SYT15B: variants seen among roughly 807,000 people sequenced by gnomAD.
SYT15B encodes synaptotagmin-15.
the SYT15B span, among the ~76,000 whole-genome samples, chr10:47,762,167 C>T: frequency 1.3e-5 from 2 of 150,900 alleles, no homozygotes; most frequent in Non-Finnish European, 3.0e-5. Context: ...TCCCCTAGCC[C>T]TCTATCAAGG....
chr10:47,749,721 A>G, the SYT15B span, among the ~76,000 whole-genome samples: 2 of 151,102 alleles, frequency 1.3e-5, no homozygotes, highest in African/African-American at 2.4e-5. Context: ...GCAACAGAAA[A>G]GAAAAAATAA....
the SYT15B span, among the ~76,000 whole-genome samples, chr10:47,746,662 G>C: frequency 4.4e-5 from 6 of 135,546 alleles, no homozygotes; most frequent in Non-Finnish European, 9.5e-5. Context: ...TGGGCAACAA[G>C]AGTGAAACCC....
chr10:47,760,997 G>A, the SYT15B span: 1 of 1,456,306 alleles, frequency 6.9e-7, no homozygotes, highest in Non-Finnish European at 9.2e-7. Context: ...CGCTCAGCCA[G>A]GACGGTTGAG....
At chr10:47,763,592 C>T in the SYT15B span, 1 of 421,892 alleles carries the variant, frequency 2.4e-6, no homozygotes, top group Non-Finnish European at 3.2e-6. Context: ...ATTATTAGAA[C>T]GCAGGGCCCG....
the SYT15B span, among the ~76,000 whole-genome samples, chr10:47,748,502 C>T: frequency 4.6e-5 from 7 of 151,834 alleles, no homozygotes; most frequent in South Asian, 2.1e-4. Flanking sequence ...CGTGAGCCAC[C>T]GCACCCGACC....
At chr10:47,745,381 G>C in the SYT15B span, among the ~76,000 whole-genome samples, 1 of 149,430 alleles carries the variant, frequency 6.7e-6, no homozygotes, top group Non-Finnish European at 1.5e-5. Flanking sequence ...AGTCTTATGA[G>C]CAGGATTCCA....
the SYT15B span, chr10:47,762,988 G>A: frequency 0.092 from 114,991 of 1,246,952 alleles, 6,085 homozygotes; most frequent in Non-Finnish European, 0.11. Flanking sequence ...AGGGTGCGGT[G>A]AGAGTACCAC....
chr10:47,750,060 CAAAACTCAAAGGAG>C, the SYT15B span, among the ~76,000 whole-genome samples: 5 of 151,796 alleles, frequency 3.3e-5, no homozygotes, highest in Non-Finnish European at 7.4e-5. Flanking sequence ...CAAAAACTAA[CAAAACTCAAAGGAG>C]AAATAAACAA....
chr10:47,746,846 G>A, the SYT15B span, among the ~76,000 whole-genome samples: 5 of 96,170 alleles, frequency 5.2e-5, no homozygotes, highest in African/African-American at 7.7e-5. Context: ...CTGTTCCCTC[G>A]TTGGCTTCAC....
the SYT15B span, among the ~76,000 whole-genome samples, chr10:47,747,892 A>G: frequency 2.6e-5 from 4 of 151,912 alleles, no homozygotes; most frequent in Non-Finnish European, 5.9e-5. Context: ...GAAATTAACT[A>G]CTTAGCATAT....
the SYT15B span, chr10:47,751,082 T>C: frequency 1.3e-5 from 2 of 151,154 alleles, no homozygotes; most frequent in African/African-American, 4.9e-5. Flanking sequence ...AAAAATCCTA[T>C]AACAACCATC....
chr10:47,755,506 C>T, the SYT15B span, among the ~76,000 whole-genome samples: 6 of 150,568 alleles, frequency 4.0e-5, no homozygotes, highest in Non-Finnish European at 8.8e-5. Flanking sequence ...CTGCCTACCT[C>T]GGCCTCCCAA....
the SYT15B span, among the ~76,000 whole-genome samples, chr10:47,755,495 T>A: frequency 6.6e-6 from 1 of 151,392 alleles, no homozygotes; most frequent in Non-Finnish European, 1.5e-5. Flanking sequence ...GACCTCGTGA[T>A]CTGCCTACCT....
At chr10:47,755,447 T>TG in the SYT15B span, among the ~76,000 whole-genome samples, 1 of 151,480 alleles carries the variant, frequency 6.6e-6, no homozygotes, top group Non-Finnish European at 1.5e-5. Flanking sequence ...AGTAGAGACG[T>TG]GGTTTCACTG....
At chr10:47,748,492 C>T in the SYT15B span, among the ~76,000 whole-genome samples, 15 of 152,092 alleles carry the variant, frequency 9.9e-5, no homozygotes, top group East Asian at 1.4e-3. Flanking sequence ...GGATTATAGG[C>T]GTGAGCCACC....
chr10:47,747,969 A>G, the SYT15B span, among the ~76,000 whole-genome samples: 1 of 152,000 alleles, frequency 6.6e-6, no homozygotes. Context: ...CAGAATAAAA[A>G]CTCTAAGCTG....
At chr10:47,755,181 T>C in the SYT15B span, among the ~76,000 whole-genome samples, 1 of 151,616 alleles carries the variant, frequency 6.6e-6, no homozygotes, top group Non-Finnish European at 1.5e-5. Flanking sequence ...GGTCTTGATC[T>C]CTTGATGTCG....
At chr10:47,753,083 G>A in the SYT15B span, 4 of 927,344 alleles carry the variant, frequency 4.3e-6, no homozygotes, top group Non-Finnish European at 5.1e-6. Context: ...ACTCCAGCCT[G>A]GGTGACAAGA....
the SYT15B span, among the ~76,000 whole-genome samples, chr10:47,750,710 T>C: frequency 5.2e-5 from 7 of 133,850 alleles, no homozygotes; most frequent in African/African-American, 1.7e-4. Flanking sequence ...AGTGCGGGGA[T>C]AATAGATGTG....
Sources: allele counts gnomAD v4.1 joint callset (sites outside exome capture counted in the v4.1 genomes callset), GRCh38; gene constraint gnomAD v4.1.1; transcripts MANE v1.5; gene names NCBI Gene and HGNC (gene_info 2026-07-23, HGNC 2026-07-21).